Variants in PLEKHH1 observed in about 807,000 individuals in gnomAD.
PLEKHH1 encodes the protein pleckstrin homology domain-containing family H member 1.
Under a neutral mutation model 160.0 loss-of-function variants are expected in PLEKHH1, and 104 were observed. The observed-to-expected ratio is 0.65, with a 90% CI of 0.55 to 0.76. PLEKHH1 has a LOEUF of 0.76. PLEKHH1 is among the 30% of genes least tolerant of loss of function. PLEKHH1 has a pLI of 0.00. For missense variants in PLEKHH1, 1,427 were observed against 1,724.1 expected, an observed-to-expected ratio of 0.83 and a Z score of 3.05; for synonymous variants, 619 against 678.4, an observed-to-expected ratio of 0.91 and a Z score of 1.36.
rs975520938 is a variant in PLEKHH1, at chr14:67,582,447, A to G, written c.3426+237A>G. On this transcript the variant is annotated intron_variant, in intron 24 of 28. Coordinates refer to ENST00000329153, the MANE Select transcript of PLEKHH1 (RefSeq NM_020715.3). This position sits in a 1 kb window ranked among gnomAD's most constrained non-coding sequence, Gnocchi z 5.0. ...ATCCAGAGACCTGGGTTTGAGTCCT[A>G]TATACCTTCCAACTATGAGGTCTTA... is the stretch of plus-strand genomic sequence containing the variant. 1.3e-5 allele frequency among the ~76,000 whole-genome samples: 2 copies of G among 152,132 alleles called. No homozygotes were observed. The highest frequency in any genetic ancestry group is 2.4e-5 in the African/African-American group (1 of 41,440).
chr14:67,554,149 C>CT (rs1031585185), intron 2 of PLEKHH1, among the ~76,000 whole-genome samples: 1 of 152,196 alleles, frequency 6.6e-6, no homozygotes, highest in African/African-American at 2.4e-5. Flanking sequence ...GAAGGCCACC[C>CT]TGAGCAAAGA....
intron 7 of PLEKHH1, among the ~76,000 whole-genome samples, chr14:67,568,014 AT>A (rs1157118228): frequency 6.6e-6 from 1 of 152,198 alleles, no homozygotes; most frequent in Admixed American, 6.5e-5. Flanking sequence ...CAGGACGGGC[AT>A]TCTCCCAGTG....
At chr14:67,555,296 A>T (rs111778751) in intron 2 of PLEKHH1, among the ~76,000 whole-genome samples, 1 of 152,236 alleles carries the variant, frequency 6.6e-6, no homozygotes, top group African/African-American at 2.4e-5. Flanking sequence ...AAATCAAATA[A>T]GGTGATAGCC....
intron 2 of PLEKHH1, among the ~76,000 whole-genome samples, chr14:67,547,846 C>T (rs921207957): frequency 1.7e-4 from 26 of 152,216 alleles, no homozygotes; most frequent in Admixed American, 1.7e-3. Flanking sequence ...GCAGAAACAT[C>T]AAGGCTCTTA....
At chr14:67,572,557 CAT>C (rs2035440378) in intron 11 of PLEKHH1, among the ~76,000 whole-genome samples, 1 of 152,154 alleles carries the variant, frequency 6.6e-6, no homozygotes, top group African/African-American at 2.4e-5. Context: ...AAGAGTTTTC[CAT>C]ATATGACTTT....
At chr14:67,543,996 G>A (rs1183183407) in intron 2 of PLEKHH1, among the ~76,000 whole-genome samples, 1 of 152,174 alleles carries the variant, frequency 6.6e-6, no homozygotes, top group Non-Finnish European at 1.5e-5. Context: ...TTTGAAGTTA[G>A]AGTTTTAATA....
At chr14:67,546,445 C>T (rs531834255) in intron 2 of PLEKHH1, among the ~76,000 whole-genome samples, 5 of 152,132 alleles carry the variant, frequency 3.3e-5, no homozygotes, top group East Asian at 1.9e-4. Context: ...CTTGTTGCCC[C>T]GGCTGGAGTG....
intron 2 of PLEKHH1, among the ~76,000 whole-genome samples, chr14:67,542,350 C>T (rs748137175): frequency 1.3e-5 from 2 of 152,094 alleles, no homozygotes; most frequent in African/African-American, 4.8e-5. Context: ...AAATCTCTAC[C>T]CTTCCTCTCA....
At chr14:67,572,099 T>C (rs761082976) in intron 10 of PLEKHH1, 36 bp from the exon 11 acceptor site, 1 of 1,588,064 alleles carries the variant, frequency 6.3e-7, no homozygotes, top group Admixed American at 1.7e-5. Context: ...CGGGGAGGTG[T>C]GGGACCCGGG....
At chr14:67,536,355 T>C (rs2033716888) in intron 1 of PLEKHH1, among the ~76,000 whole-genome samples, 1 of 151,918 alleles carries the variant, frequency 6.6e-6, no homozygotes, top group South Asian at 2.1e-4. Context: ...TCTCCCACAA[T>C]TGACAAGTAG....
At chr14:67,549,033 T>G (rs932181458) in intron 2 of PLEKHH1, among the ~76,000 whole-genome samples, 1 of 152,164 alleles carries the variant, frequency 6.6e-6, no homozygotes, top group East Asian at 1.9e-4. Context: ...TCACAACATA[T>G]GGGTAGCCCA....
chr14:67,539,954 T>C (rs1594740183), intron 1 of PLEKHH1, among the ~76,000 whole-genome samples: 1 of 152,068 alleles, frequency 6.6e-6, no homozygotes, highest in Non-Finnish European at 1.5e-5. Flanking sequence ...CGAATAAAAG[T>C]CACATGCGAG....
chr14:67,538,942 G>T (rs1285715286), intron 1 of PLEKHH1, among the ~76,000 whole-genome samples: 2 of 152,110 alleles, frequency 1.3e-5, no homozygotes, highest in Non-Finnish European at 2.9e-5. Context: ...GATAATTTGG[G>T]TTTTCACTCT....
At chr14:67,579,968 TG>T (rs2035814427) in intron 22 of PLEKHH1, 92 bp downstream of exon 22, 2 of 1,234,154 alleles carry the variant, frequency 1.6e-6, no homozygotes, top group Non-Finnish European at 2.2e-6. Flanking sequence ...TCTGACTGTT[TG>T]GTAGCTCATT....
Position 67,585,594 on chromosome 14 carries a change from C to T in PLEKHH1, c.3726C>T (p.Asn1242=), listed in dbSNP as rs1323067683. 9 of 1,584,662 alleles carry T rather than the reference C, an allele frequency of 5.7e-6. No individual in the cohort carries two copies. Among genetic ancestry groups the T allele is most frequent in the African/African-American group, 5.4e-5 (4 of 74,274 alleles). The part of the protein sequence containing the change: ...AQPAQLSSKE[N]ALVWIAVNED... The stretch of plus-strand genomic sequence containing the variant: ...CTGCCCAGCTGTCTTCCAAGGAGAA[C>T]GCTCTGGTGTGGATTGCTGTGAATG... Residue 1242 remains asparagine, a synonymous_variant, in exon 27 of 29, where the codon AAC becomes AAT. Transcript: ENST00000329153.
Position 67,584,133 on chromosome 14 carries a change from C to T in PLEKHH1, c.3699+9C>T. The T allele has an allele frequency of 1.9e-6, 3 of 1,611,946 alleles. No individual in the cohort carries two copies. The highest frequency in any genetic ancestry group is 2.5e-6 in the Non-Finnish European group (3 of 1,179,674). On this transcript the variant is annotated intron_variant, in intron 26 of 28. Transcript: ENST00000329153. ...AACTTTTTGCTGCTCAGGTAAGTGC[C>T]AGTGGAAGGAGCTGCCCACACCCTT...
intron 1 of PLEKHH1, among the ~76,000 whole-genome samples, chr14:67,536,921 TC>T (rs1053720203): frequency 2.0e-5 from 3 of 151,432 alleles, no homozygotes; most frequent in African/African-American, 7.3e-5. Context: ...CCGCCTGTAA[TC>T]CCCGCTACTC....
intron 2 of PLEKHH1, among the ~76,000 whole-genome samples, chr14:67,551,647 G>C (rs896209514): frequency 6.6e-6 from 1 of 152,108 alleles, no homozygotes; most frequent in African/African-American, 2.4e-5. Context: ...CCAGGACTTA[G>C]GGAGGCCGAG....
intron 2 of PLEKHH1, among the ~76,000 whole-genome samples, chr14:67,550,251 C>T (rs1460502717): frequency 2.0e-5 from 3 of 152,108 alleles, no homozygotes; most frequent in Admixed American, 1.3e-4. Flanking sequence ...TGCAGTGGCA[C>T]CATCTCAGCT....
Sources: allele counts gnomAD v4.1 joint callset (sites outside exome capture counted in the v4.1 genomes callset), GRCh38; gene constraint gnomAD v4.1.1; non-coding constraint Gnocchi (gnomAD v3.1); transcripts MANE v1.5; gene names NCBI Gene and HGNC (gene_info 2026-07-23, HGNC 2026-07-21).